MAP3K2: variants seen among roughly 807,000 people sequenced by gnomAD.
MAP3K2 encodes mitogen-activated protein kinase kinase kinase 2.
In MAP3K2, 24 loss-of-function variants were observed where a neutral mutation model predicts 80.3. That is an observed-to-expected ratio of 0.30 (90% CI 0.22 to 0.42). The LOEUF is 0.42. MAP3K2 is among the 10% of genes least tolerant of loss of function. The pLI is 1.00. For missense variants in MAP3K2, 608 were observed against 750.1 expected (o/e 0.81, Z 2.21); for synonymous variants, 244 against 253.7 (o/e 0.96, Z 0.36).
At chr2:127,344,993 T>C (rs4662722) in intron 1 of MAP3K2, among the ~76,000 whole-genome samples, 57,148 of 151,688 alleles carry the variant, frequency 0.38, 11,478 homozygotes, top group East Asian at 0.62. Flanking sequence ...CACCCCCGAG[T>C]AGATGGGACT....
At chr2:127,318,105 T>TA (rs1685943090) in intron 13 of MAP3K2, 64 bp downstream of exon 13, 1 of 1,352,510 alleles carries the variant, frequency 7.4e-7, no homozygotes, top group Non-Finnish European at 9.8e-7. Flanking sequence ...GGCTTAATGT[T>TA]AAAAAATAAT....
rs1017717741 is a variant in MAP3K2, at chr2:127,385,319, C to T, written c.-66+2133G>A. Among the ~76,000 whole-genome samples the T allele has an allele frequency of 2.0e-5, 3 of 152,132 alleles. No individual in the cohort carries two copies. In the East Asian group the frequency reaches 5.8e-4, roughly 29 times the overall value. ...GCAGCCATCAACATGGAGGCAAGAC[C>T]CTCCACCAGCAAAAAGATTACAATT... On this transcript the variant is annotated intron_variant, in intron 1 of 16. Coordinates refer to ENST00000682094, the MANE Select transcript of MAP3K2 (RefSeq NM_001371910.2).
At chr2:127,320,037 G>A (rs1482139513) in intron 12 of MAP3K2, among the ~76,000 whole-genome samples, 1 of 152,146 alleles carries the variant, frequency 6.6e-6, no homozygotes, top group East Asian at 1.9e-4. Context: ...CAGAAGAAGA[G>A]CTGTGCCTAT....
At chr2:127,348,294 A>T (rs1263383110) in intron 1 of MAP3K2, among the ~76,000 whole-genome samples, 2 of 152,120 alleles carry the variant, frequency 1.3e-5, no homozygotes, top group African/African-American at 4.8e-5. Flanking sequence ...AGGCTGAGGC[A>T]GGAGAATTGC....
intron 1 of MAP3K2, among the ~76,000 whole-genome samples, chr2:127,353,004 A>G (rs1030116684): frequency 6.6e-6 from 1 of 151,986 alleles, no homozygotes; most frequent in Non-Finnish European, 1.5e-5. Context: ...CTCAGTGCTC[A>G]ATGGTGCCCA....
chr2:127,317,639 T>C lies in MAP3K2; in HGVS notation c.1316A>G (p.Tyr439Cys), dbSNP rs1417685207. ...QEKTLSIFME[Y>C]MPGGSIKDQL... ...GATGTACTAACTTACCCCTGGCATA[T>C]ATTCCATAAATATGGAAAGTGTTTT... The change falls in exon 14 of 17, where the codon TAT becomes TGT. Residue 439 changes from tyrosine (Y) to cysteine (C), a missense_variant. Transcript: ENST00000682094. The C allele has an allele frequency of 3.8e-6, 6 of 1,570,752 alleles. No individual in the cohort carries two copies. Among genetic ancestry groups the C allele is most frequent in the South Asian group, 3.5e-5 (3 of 85,244 alleles).
intron 2 of MAP3K2, among the ~76,000 whole-genome samples, chr2:127,342,017 A>G (rs1318302086): frequency 7.5e-6 from 1 of 132,640 alleles, no homozygotes; most frequent in Non-Finnish European, 1.6e-5. Context: ...AACATCTGTC[A>G]TGGTGTTCTG....
chr2:127,319,044 C>T (rs1685961693), intron 12 of MAP3K2, among the ~76,000 whole-genome samples: 2 of 152,096 alleles, frequency 1.3e-5, no homozygotes, highest in Non-Finnish European at 2.9e-5. Flanking sequence ...GAGCAGGAGA[C>T]ACCAGGGAAA....
intron 2 of MAP3K2, among the ~76,000 whole-genome samples, chr2:127,341,767 C>T (rs1397958107): frequency 2.0e-5 from 3 of 151,834 alleles, no homozygotes; most frequent in Non-Finnish European, 4.4e-5. Flanking sequence ...CTCCTGACCT[C>T]GTGATCCACC....
At chr2:127,332,876 T>C (rs779248078) in intron 5 of MAP3K2, among the ~76,000 whole-genome samples, 5 of 152,124 alleles carry the variant, frequency 3.3e-5, no homozygotes, top group Non-Finnish European at 7.3e-5. Flanking sequence ...ACACCTGTAA[T>C]CTCAGCACTT....
intron 15 of MAP3K2, among the ~76,000 whole-genome samples, chr2:127,312,265 C>T (rs747667348): frequency 1.1e-4 from 17 of 152,046 alleles, no homozygotes; most frequent in Non-Finnish European, 2.2e-4. Context: ...GTAAAACAAA[C>T]GGAACAAAAA....
At chr2:127,324,029 A>G (rs1257775758) in intron 10 of MAP3K2, 35 bp from the exon 11 acceptor site, 8 of 930,460 alleles carry the variant, frequency 8.6e-6, no homozygotes, top group Non-Finnish European at 1.2e-5. Flanking sequence ...TCTTTTATTT[A>G]AAAAAAAAAG....
intron 15 of MAP3K2, among the ~76,000 whole-genome samples, chr2:127,314,011 T>C (rs559783346): frequency 6.6e-6 from 1 of 152,164 alleles, no homozygotes; most frequent in Non-Finnish European, 1.5e-5. Flanking sequence ...ATGTCTAAAT[T>C]TGGGGCCACA....
At chr2:127,333,839 C>G (rs1369155492) in intron 5 of MAP3K2, among the ~76,000 whole-genome samples, 1 of 151,358 alleles carries the variant, frequency 6.6e-6, no homozygotes, top group Non-Finnish European at 1.5e-5. Context: ...TGGCTCATAC[C>G]TGTAATCCCA....
intron 10 of MAP3K2, 70 bp downstream of exon 10, chr2:127,324,104 C>CT: frequency 3.4e-6 from 4 of 1,172,266 alleles, no homozygotes; most frequent in Non-Finnish European, 3.6e-6. Context: ...AAAATCCCCC[C>CT]TCTCCCTCCC....
chr2:127,301,032 G>A lies in MAP3K2; in HGVS notation c.*6547C>T, dbSNP rs186928261. On this transcript the variant is annotated 3_prime_UTR_variant, in exon 17 of 17. Coordinates refer to ENST00000682094, the MANE Select transcript of MAP3K2 (RefSeq NM_001371910.2). ...AGAAGTGAACTTAAAAGTGCTTTTCGGTATGGTCATGAACTTTACTGTTCT... is the reference window on the plus strand; with the variant it reads ...AGAAGTGAACTTAAAAGTGCTTTTCAGTATGGTCATGAACTTTACTGTTCT... The A allele has an allele frequency of 6.6e-6, 1 of 152,230 alleles. No homozygotes were observed. Among genetic ancestry groups the A allele is most frequent in the East Asian group, 1.9e-4 (1 of 5,192 alleles). 9.4% of individuals were successfully genotyped at this position (152,230 alleles called of 1,614,324 possible).
At chr2:127,313,226 G>A (rs180993644) in intron 15 of MAP3K2, among the ~76,000 whole-genome samples, 4 of 152,282 alleles carry the variant, frequency 2.6e-5, no homozygotes, top group African/African-American at 7.2e-5. Context: ...TCCACTCGGC[G>A]GGTAGCTCCC....
intron 1 of MAP3K2, among the ~76,000 whole-genome samples, chr2:127,379,155 G>A (rs1321989938): frequency 6.6e-6 from 1 of 151,798 alleles, no homozygotes; most frequent in Non-Finnish European, 1.5e-5. Context: ...AACATTTAAG[G>A]TAGAATGTAT....
chr2:127,350,186 T>C (rs1686666417), intron 1 of MAP3K2, among the ~76,000 whole-genome samples: 1 of 151,924 alleles, frequency 6.6e-6, no homozygotes, highest in South Asian at 2.1e-4. Flanking sequence ...AGAAAGCACA[T>C]AAAGACTTAT....
Sources: gnomAD v4.1 joint callset for allele counts (sites outside exome capture counted in the v4.1 genomes callset) on GRCh38, gnomAD v4.1.1 for gene constraint, MANE v1.5 for transcripts, NCBI Gene and HGNC (gene_info 2026-07-23, HGNC 2026-07-21) for gene names.